UBE2E3: variants seen among roughly 807,000 people sequenced by gnomAD.
UBE2E3 encodes ubiquitin-conjugating enzyme E2 E3.
Under a neutral mutation model 23.6 loss-of-function variants are expected in UBE2E3, and 5 were observed. The ratio of observed to expected loss-of-function variants is 0.21; its 90% CI spans 0.11 to 0.44. UBE2E3 has a LOEUF of 0.44. Among genes scored for constraint, UBE2E3 ranks in the 20% least tolerant of loss-of-function variants. UBE2E3 has a pLI of 0.99. For synonymous variants in UBE2E3, 78 were observed against 87.5 expected, an observed-to-expected ratio of 0.89 and a Z score of 0.60; for missense variants, 81 against 249.8, an observed-to-expected ratio of 0.32 and a Z score of 4.55.
intron 3 of UBE2E3, among the ~76,000 whole-genome samples, chr2:181,033,211 C>T (rs578011817): frequency 1.1e-4 from 17 of 152,246 alleles, no homozygotes; most frequent in East Asian, 3.9e-4. Flanking sequence ...AAAAAGAGCC[C>T]GCATTGCCAA....
At chr2:180,994,300 G>A (rs1339187038) in intron 3 of UBE2E3, among the ~76,000 whole-genome samples, 1 of 151,956 alleles carries the variant, frequency 6.6e-6, no homozygotes, top group African/African-American at 2.4e-5. Flanking sequence ...AAGTAAACAG[G>A]CTGGTATGAT....
At chr2:180,990,163 C>T in intron 3 of UBE2E3, 1 of 590,908 alleles carries the variant, frequency 1.7e-6, no homozygotes, top group East Asian at 3.0e-5. Context: ...TTTTTGTCCT[C>T]CCCTTCCCCA....
At chr2:181,016,213 C>T (rs1193668962) in intron 3 of UBE2E3, among the ~76,000 whole-genome samples, 2 of 151,896 alleles carry the variant, frequency 1.3e-5, no homozygotes, top group Non-Finnish European at 2.9e-5. Context: ...TAACCTTTAC[C>T]TTCTTTATAC....
chr2:181,060,582 ATAT>A, intron 4 of UBE2E3, 80 bp from the exon 5 acceptor site: 1 of 1,280,536 alleles, frequency 7.8e-7, no homozygotes, highest in Non-Finnish European at 1.1e-6. Flanking sequence ...CATCTATGAT[ATAT>A]TACCCTTCAT....
Position 181,036,396 on chromosome 2 carries a change from A to G in UBE2E3, c.246-21297A>G, listed in dbSNP as rs542761862. Among the ~76,000 whole-genome samples the G allele has an allele frequency of 7.2e-5, 11 of 152,364 alleles. No individual in the cohort carries two copies. In the South Asian group the frequency reaches 1.4e-3, roughly 20 times the overall value. ...AGGTCCTTGAATAATGGTTCATTCA[A>G]CATTGTATTGTACTTACAACGTTCA... On this transcript the variant is annotated intron_variant, in intron 3 of 5. Coordinates refer to ENST00000410062, the MANE Select transcript of UBE2E3 (RefSeq NM_006357.4).
At chr2:181,060,339 G>GTATGTATGTGTACACACACAGT (rs1434709037) in intron 4 of UBE2E3, among the ~76,000 whole-genome samples, 1 of 151,570 alleles carries the variant, frequency 6.6e-6, no homozygotes, top group African/African-American at 2.4e-5. Flanking sequence ...CTGTCTTTCT[G>GTATGTATGTGTACACACACAGT]TATGTATGTG....
At chr2:181,044,062 T>TA (rs1415076651) in intron 3 of UBE2E3, among the ~76,000 whole-genome samples, 2 of 152,170 alleles carry the variant, frequency 1.3e-5, no homozygotes, top group African/African-American at 4.8e-5. Flanking sequence ...TGACTCTTGA[T>TA]ACATGTGGCT....
At chr2:181,018,527 CAG>C (rs1553537029) in intron 3 of UBE2E3, among the ~76,000 whole-genome samples, 4 of 151,302 alleles carry the variant, frequency 2.6e-5, no homozygotes, top group African/African-American at 7.3e-5. Flanking sequence ...CCCGAGGACT[CAG>C]GGGAGTATAG....
At chr2:180,984,405 C>G (rs1684392203) in intron 3 of UBE2E3, among the ~76,000 whole-genome samples, 1 of 152,146 alleles carries the variant, frequency 6.6e-6, no homozygotes, top group African/African-American at 2.4e-5. Context: ...GAAGAAACTT[C>G]TAAAATTTTG....
At chr2:181,008,312 G>T (rs1039625546) in intron 3 of UBE2E3, among the ~76,000 whole-genome samples, 1 of 152,200 alleles carries the variant, frequency 6.6e-6, no homozygotes, top group African/African-American at 2.4e-5. Flanking sequence ...GCAGCCTTAT[G>T]AATGTTATCC....
At chr2:180,980,514 G>T (rs1164599523), upstream of UBE2E3, 3 of 148,338 alleles carry the variant, frequency 2.0e-5, no homozygotes, top group African/African-American at 4.9e-5. The surrounding 1 kb of genome is among the most constrained non-coding windows in gnomAD (Gnocchi z 5.5). Context: ...GCTCGCGCCC[G>T]CCGGGCGTCG....
At chr2:181,022,917 A>G (rs1685754638) in intron 3 of UBE2E3, among the ~76,000 whole-genome samples, 1 of 152,180 alleles carries the variant, frequency 6.6e-6, no homozygotes. Context: ...TTCAACTTAC[A>G]ATGGGGCTAT....
intron 3 of UBE2E3, among the ~76,000 whole-genome samples, chr2:180,986,059 A>G (rs906864175): frequency 3.3e-5 from 5 of 152,138 alleles, no homozygotes; most frequent in Non-Finnish European, 4.4e-5. Context: ...AGTCCTTGAA[A>G]TAATGCTTCC....
intron 3 of UBE2E3, among the ~76,000 whole-genome samples, chr2:181,002,719 C>T (rs1449418186): frequency 6.6e-6 from 1 of 152,126 alleles, no homozygotes; most frequent in Non-Finnish European, 1.5e-5. Flanking sequence ...TATACACCAC[C>T]TTTTAAGGAC....
chr2:180,983,732 G>T (rs527832792), intron 2 of UBE2E3, among the ~76,000 whole-genome samples: 1 of 152,166 alleles, frequency 6.6e-6, no homozygotes, highest in Non-Finnish European at 1.5e-5. Flanking sequence ...CTTGAAAAGA[G>T]AATTTCTTTG....
intron 3 of UBE2E3, among the ~76,000 whole-genome samples, chr2:181,033,486 G>T (rs1686155934): frequency 6.6e-6 from 1 of 152,174 alleles, no homozygotes; most frequent in Admixed American, 6.5e-5. Flanking sequence ...TATGTAGAAA[G>T]CTGAAACTGG....
At chr2:180,985,522 A>G (rs1170826613) in intron 3 of UBE2E3, among the ~76,000 whole-genome samples, 1 of 152,160 alleles carries the variant, frequency 6.6e-6, no homozygotes, top group Admixed American at 6.5e-5. Flanking sequence ...TTAATATGTT[A>G]TTAGAATATT....
chr2:180,985,859 C>T (rs1684450411), intron 3 of UBE2E3, among the ~76,000 whole-genome samples: 4 of 151,940 alleles, frequency 2.6e-5, no homozygotes, highest in Admixed American at 1.3e-4. Context: ...ATCTAGAGAG[C>T]CTAGTAGACA....
rs114092701 is a variant in UBE2E3, at chr2:180,999,790, A to G, written c.245+15697A>G. 3.4e-3 allele frequency among the ~76,000 whole-genome samples: 519 copies of G among 152,344 alleles called. 4 individuals are homozygous for G. The highest frequency in any genetic ancestry group is 0.011 in the African/African-American group (457 of 41,586). Reference sequence around the variant, plus strand: ...GTAACTGTAAAAGCTTGAGCAAGTTATCTCCTCTGATTCTCAGAAATGTGA... The same window carrying G: ...GTAACTGTAAAAGCTTGAGCAAGTTGTCTCCTCTGATTCTCAGAAATGTGA... On this transcript the variant is annotated intron_variant, in intron 3 of 5. Coordinates refer to ENST00000410062, the MANE Select transcript of UBE2E3 (RefSeq NM_006357.4).
Sources: gnomAD v4.1 joint callset for allele counts (sites outside exome capture counted in the v4.1 genomes callset) on GRCh38, gnomAD v4.1.1 for gene constraint, Gnocchi (gnomAD v3.1) non-coding constraint, MANE v1.5 for transcripts, NCBI Gene and HGNC (gene_info 2026-07-23, HGNC 2026-07-21) for gene names.